Variants in CLMP observed in about 807,000 individuals in gnomAD.
CLMP encodes CXADR like cell adhesion molecule.
A neutral mutation model predicts 45.2 loss-of-function variants in CLMP; 27 were observed. The observed-to-expected ratio is 0.60, with a 90% CI of 0.44 to 0.82. The LOEUF (loss-of-function observed/expected upper bound fraction) is 0.82, where lower values mean the gene tolerates loss of function less well. CLMP is among the 40% of genes least tolerant of loss of function. The pLI is 0.00. For missense variants in CLMP, 403 were observed against 448.4 expected, an observed-to-expected ratio of 0.90 and a Z score of 0.91; for synonymous variants, 167 against 171.4, an observed-to-expected ratio of 0.97 and a Z score of 0.20.
intron 1 of CLMP, among the ~76,000 whole-genome samples, chr11:123,117,766 C>T (rs910873367): frequency 3.9e-5 from 6 of 152,120 alleles, no homozygotes; most frequent in African/African-American, 1.4e-4. Context: ...AACTATAATG[C>T]TGTGCGTGCC....
rs370760190 is a variant in CLMP, at chr11:123,078,866, G to A, written c.680-4023C>T. Among the ~76,000 whole-genome samples the A allele has an allele frequency of 4.6e-5, 7 of 152,162 alleles. No individual in the cohort carries two copies. The East Asian group carries it at 1.2e-3, about 25-fold the overall frequency. Reference sequence around the variant, plus strand: ...TCACCATGTTAGCCAGGATGGTCTCGATCTCTTGACCTCGTGATCCACCTG... The same window carrying A: ...TCACCATGTTAGCCAGGATGGTCTCAATCTCTTGACCTCGTGATCCACCTG... On this transcript the variant is annotated intron_variant, in intron 5 of 6. Coordinates refer to ENST00000448775, the MANE Select transcript of CLMP (RefSeq NM_024769.5).
chr11:123,106,144 TA>T (rs143097176), intron 1 of CLMP, among the ~76,000 whole-genome samples: 1 of 124,080 alleles, frequency 8.1e-6, no homozygotes, highest in Admixed American at 9.2e-5. Context: ...GATTTTATTC[TA>T]TTTTTTTTTT....
At chr11:123,171,078 C>T (rs993596655) in intron 1 of CLMP, among the ~76,000 whole-genome samples, 1 of 152,124 alleles carries the variant, frequency 6.6e-6, no homozygotes, top group Non-Finnish European at 1.5e-5. Context: ...TTGGGGTTGA[C>T]GGGCAAGGTT....
chr11:123,183,292 G>A (rs556148987), intron 1 of CLMP, among the ~76,000 whole-genome samples: 5 of 152,178 alleles, frequency 3.3e-5, no homozygotes, highest in East Asian at 1.9e-4. Flanking sequence ...GTGCAGTGGC[G>A]GGATCTCGGC....
intron 1 of CLMP, among the ~76,000 whole-genome samples, chr11:123,104,935 A>G (rs558311366): frequency 6.6e-6 from 1 of 152,238 alleles, no homozygotes; most frequent in African/African-American, 2.4e-5. Flanking sequence ...AAGTAAGGGA[A>G]TAGTCTCTGC....
At chr11:123,174,965 T>A (rs1467512497) in intron 1 of CLMP, among the ~76,000 whole-genome samples, 1 of 152,042 alleles carries the variant, frequency 6.6e-6, no homozygotes, top group African/African-American at 2.4e-5. Flanking sequence ...TTTTCTTTGG[T>A]GTTTTAGAGA....
At chr11:123,123,668 T>A (rs1345308103) in intron 1 of CLMP, among the ~76,000 whole-genome samples, 1 of 152,124 alleles carries the variant, frequency 6.6e-6, no homozygotes, top group East Asian at 1.9e-4. Context: ...GAACCCGCAA[T>A]GAGACCATGT....
Position 123,072,514 on chromosome 11 carries a change from C to T in CLMP, c.*960G>A, listed in dbSNP as rs146318886. On this transcript the variant is annotated 3_prime_UTR_variant, in exon 7 of 7. Transcript: ENST00000448775. ...ACCCAGTCTTGCAATTCTGGTTTCA[C>T]ATTTTCTCAGAAAGAAGAGACTATA... is the stretch of plus-strand genomic sequence containing the variant. The T allele has an allele frequency of 6.6e-6, 1 of 152,274 alleles. No individual in the cohort carries two copies. The highest frequency in any genetic ancestry group is 1.9e-4 in the East Asian group (1 of 5,176). 9.4% of individuals were successfully genotyped at this position (152,274 alleles called of 1,614,324 possible).
intron 1 of CLMP, among the ~76,000 whole-genome samples, chr11:123,114,283 G>A (rs112149267): frequency 0.016 from 2,366 of 152,152 alleles, 25 homozygotes; most frequent in South Asian, 0.028. Context: ...GTTTTATCCT[G>A]CCCCTTCCAC....
chr11:123,118,222 G>A (rs918331090), intron 1 of CLMP, among the ~76,000 whole-genome samples: 2 of 151,804 alleles, frequency 1.3e-5, no homozygotes, highest in Admixed American at 6.6e-5. Context: ...CTCTGCCTCC[G>A]GAGTTCAAGC....
intron 1 of CLMP, among the ~76,000 whole-genome samples, chr11:123,139,656 C>T (rs981865082): frequency 6.6e-6 from 1 of 151,898 alleles, no homozygotes; most frequent in Non-Finnish European, 1.5e-5. Context: ...GAAACCTCGT[C>T]TCTACTAAAA....
At chr11:123,182,897 T>G (rs1050824639) in intron 1 of CLMP, among the ~76,000 whole-genome samples, 2 of 152,176 alleles carry the variant, frequency 1.3e-5, no homozygotes, top group South Asian at 2.1e-4. Flanking sequence ...GACCCTTAAC[T>G]CCTTTCTTCC....
At chr11:123,100,308 G>A (rs573525522) in intron 1 of CLMP, among the ~76,000 whole-genome samples, 2 of 151,822 alleles carry the variant, frequency 1.3e-5, no homozygotes, top group Non-Finnish European at 2.9e-5. Context: ...TTGAACCCAG[G>A]AGGCAGAGGT....
intron 1 of CLMP, among the ~76,000 whole-genome samples, chr11:123,125,490 T>G (rs1591468130): frequency 1.7e-5 from 1 of 58,860 alleles, no homozygotes; most frequent in African/African-American, 6.6e-5. Flanking sequence ...CCCTCCCTCC[T>G]TCCTCCCTTC....
intron 5 of CLMP, among the ~76,000 whole-genome samples, chr11:123,079,067 C>A (rs1033278909): frequency 6.6e-6 from 1 of 151,936 alleles, no homozygotes; most frequent in African/African-American, 2.4e-5. Flanking sequence ...CATGAGCCAC[C>A]GTGCCTGGCC....
intron 1 of CLMP, among the ~76,000 whole-genome samples, chr11:123,107,380 GCCA>G (rs113972211): frequency 0.1 from 15,489 of 151,774 alleles, 865 homozygotes; most frequent in East Asian, 0.16. Context: ...ATAGGCGCAT[GCCA>G]CCACATCTGG....
In CLMP at chr11:123,083,769, G is replaced by T; in HGVS notation, c.467C>A (p.Ser156Tyr). Reference sequence around the variant, plus strand: ...ATACACAATGGGCTCTGTGCCAGAGGATGACTCACACTGCAAAGTCAGGTC... The same window carrying T: ...ATACACAATGGGCTCTGTGCCAGAGTATGACTCACACTGCAAAGTCAGGTC... ...GSDLTLQCES[S>Y]SGTEPIVYYW... The change falls in exon 4 of 7, where the codon TCC (serine) becomes TAC (tyrosine). Residue 156 changes from serine to tyrosine, a missense_variant. Physicochemically the swap from Ser to Tyr is moderately radical, Grantham distance 144. Coordinates refer to ENST00000448775, the MANE Select transcript of CLMP (RefSeq NM_024769.5). The T allele has an allele frequency of 6.2e-7, 1 of 1,613,982 alleles. No individual in the cohort carries two copies. The highest frequency in any genetic ancestry group is 8.5e-7 in the Non-Finnish European group (1 of 1,180,014).
intron 1 of CLMP, among the ~76,000 whole-genome samples, chr11:123,146,819 C>A (rs148130094): frequency 3.3e-4 from 50 of 152,312 alleles, no homozygotes; most frequent in African/African-American, 1.2e-3. Context: ...TATAACCAGA[C>A]AAGGTGGCTT....
chr11:123,155,385 G>A (rs1428928431), intron 1 of CLMP, among the ~76,000 whole-genome samples: 1 of 152,190 alleles, frequency 6.6e-6, no homozygotes, highest in Admixed American at 6.5e-5. Context: ...TGCTGAAGGT[G>A]GGAACAGCGA....
Sources: allele counts gnomAD v4.1 joint callset (sites outside exome capture counted in the v4.1 genomes callset), GRCh38; gene constraint gnomAD v4.1.1; transcripts MANE v1.5; gene names NCBI Gene and HGNC (gene_info 2026-07-23, HGNC 2026-07-21).